Variants in NDUFA11 observed in about 807,000 individuals in gnomAD.
NDUFA11 encodes NADH dehydrogenase [ubiquinone] 1 alpha subcomplex subunit 11.
In NDUFA11, 14 loss-of-function variants were observed where a neutral mutation model predicts 11.3. The ratio of observed to expected loss-of-function variants is 1.24; its 90% CI spans 0.82 to 1.94. The LOEUF (loss-of-function observed/expected upper bound fraction) is 1.94. NDUFA11 is among the 30% of genes most tolerant of loss of function. The pLI is 0.00. For synonymous variants in NDUFA11, 87 were observed against 85.6 expected, an observed-to-expected ratio of 1.02 and a Z score of -0.09; for missense variants, 204 against 200.3, an observed-to-expected ratio of 1.02 and a Z score of -0.11.
Position 5,896,326 on chromosome 19 carries a change from G to T in NDUFA11, c.313+127C>A. On this transcript the variant is annotated intron_variant, in intron 3 of 3. Coordinates refer to ENST00000308961, the MANE Select transcript of NDUFA11 (RefSeq NM_175614.5). The surrounding 1 kb of genome is among the most constrained non-coding windows in gnomAD (Gnocchi z 5.8). ...AGCAGCTGTCGCTATGACTGAAATG[G>T]CTGGTGTTCAAGAAGGCTGCTTTAC... The T allele has an allele frequency of 9.0e-7, 1 of 1,117,304 alleles. No homozygotes were observed. Among genetic ancestry groups the T allele is most frequent in the Non-Finnish European group, 1.3e-6 (1 of 791,892 alleles). The allele number at this position is 1,117,304 out of a possible 1,614,324, so 69.2% of individuals were successfully genotyped here.
intron 3 of NDUFA11, chr19:5,895,165 C>G (rs1455173219): frequency 9.8e-6 from 4 of 406,660 alleles, no homozygotes; most frequent in Non-Finnish European, 9.1e-6. Context: ...AGGCTGGGCA[C>G]CGGGCCATGG....
intron 1 of NDUFA11, among the ~76,000 whole-genome samples, chr19:5,900,835 TGGGA>T (rs2057640189): frequency 7.0e-6 from 1 of 143,690 alleles, no homozygotes; most frequent in Non-Finnish European, 1.5e-5. Flanking sequence ...CAAGAATTGC[TGGGA>T]GGCAGAGGTT....
intron 1 of NDUFA11, among the ~76,000 whole-genome samples, chr19:5,900,981 C>T (rs1242274662): frequency 3.3e-5 from 5 of 151,840 alleles, no homozygotes; most frequent in African/African-American, 4.8e-5. Flanking sequence ...TCAAAGACCC[C>T]GGGGCACCCT....
At chr19:5,894,378 G>A (rs114380154), downstream of NDUFA11, among the ~76,000 whole-genome samples, 963 of 152,208 alleles carry the variant, frequency 6.3e-3, 13 homozygotes, top group African/African-American at 0.022. Context: ...GGCTGTGGGC[G>A]GCAGGGCCCA....
chr19:5,901,394 G>A (rs997526239), intron 1 of NDUFA11: 21 of 1,286,990 alleles, frequency 1.6e-5, no homozygotes, highest in African/African-American at 3.0e-5. Flanking sequence ...ACCTGGACTT[G>A]CAGCCCAGCT....
Position 5,901,465 on chromosome 19 carries a change from T to A in NDUFA11, c.97+2147A>T, listed in dbSNP as rs531272244. 1.3e-4 allele frequency: 165 copies of A among 1,285,858 alleles called. No individual in the cohort carries two copies. The African/African-American group carries it at 1.7e-3, about 13-fold the overall frequency. 79.7% of individuals were successfully genotyped at this position (1,285,858 alleles called of 1,614,324 possible). On this transcript the variant is annotated intron_variant, in intron 1 of 3. Transcript: ENST00000308961. ...ACCTTCAGTCCCTACCTGTAAGAAA[T>A]GGAGACACAATAACGTCTGTCTTAC...
chr19:5,903,747 C>T lies in NDUFA11; in HGVS notation c.-39G>A, dbSNP rs2057661218. 2 of 1,546,940 alleles carry T rather than the reference C, an allele frequency of 1.3e-6. No individual in the cohort carries two copies. Among genetic ancestry groups the T allele is most frequent in the Admixed American group, 2.0e-5 (1 of 50,982 alleles). ...GATCCCGCACCACGGACCCCGCCAG[C>T]TCGGGAAGCGCAAGGGCAGCCGCGG... On this transcript the variant is annotated 5_prime_UTR_variant, in exon 1 of 4. Coordinates refer to ENST00000308961, the MANE Select transcript of NDUFA11 (RefSeq NM_175614.5).
chr19:5,896,787 G>A lies in NDUFA11; in HGVS notation c.190+118C>T. 8.5e-7 allele frequency: 1 copy of A among 1,179,996 alleles called. No homozygotes were observed. Among genetic ancestry groups the A allele is most frequent in the East Asian group, 2.3e-5 (1 of 42,914 alleles). The allele number at this position is 1,179,996 out of a possible 1,614,324, so 73.1% of individuals were successfully genotyped here. A position where few individuals can be genotyped will look rare whatever the true frequency, so the allele number is the denominator to read the frequency against. On this transcript the variant is annotated intron_variant, in intron 2 of 3. Transcript: ENST00000308961. This position sits in a 1 kb window ranked among gnomAD's most constrained non-coding sequence, Gnocchi z 5.8. ...AAGGAACACCCCACTTTCTCCGGAT[G>A]GCCAGCACTGTGGACACGGGCTGGG...
chr19:5,894,875 T>C (rs765310919), intron 3 of NDUFA11, 21 bp from the exon 4 acceptor site: 5 of 1,580,854 alleles, frequency 3.2e-6, no homozygotes, highest in Non-Finnish European at 4.3e-6. Flanking sequence ...GGGGAGGTGA[T>C]GTCAGGCCCG....
chr19:5,901,387 T>A lies in NDUFA11; in HGVS notation c.97+2225A>T, dbSNP rs559412208. On this transcript the variant is annotated intron_variant, in intron 1 of 3. Transcript: ENST00000308961. ...ACCCCTAGGAGCAGGTCAGCCGACC[T>A]GGACTTGCAGCCCAGCTTCAAATGA... The A allele has an allele frequency of 3.9e-6, 5 of 1,287,090 alleles. No homozygotes were observed. In the African/African-American group the frequency reaches 7.6e-5, roughly 20 times the overall value. The allele number at this position is 1,287,090 out of a possible 1,614,324, so 79.7% of individuals were successfully genotyped here.
Position 5,896,073 on chromosome 19 carries a change from G to A in NDUFA11, c.313+380C>T. 4.6e-6 allele frequency: 2 copies of A among 438,156 alleles called. No homozygotes were observed. The highest frequency in any genetic ancestry group is 8.1e-6 in the Non-Finnish European group (2 of 246,158). The allele number at this position is 438,156 out of a possible 1,614,324, so 27.1% of individuals were successfully genotyped here. On this transcript the variant is annotated intron_variant, in intron 3 of 3. Coordinates refer to ENST00000308961, the MANE Select transcript of NDUFA11 (RefSeq NM_175614.5). This position sits in a 1 kb window ranked among gnomAD's most constrained non-coding sequence, Gnocchi z 5.8. ...AGGCACACAGAAGGAAGGCGGCACA[G>A]AGCGAGGGCGGCGGGGATGCTGGCT...
chr19:5,893,520 C>T (rs1221269382), downstream of NDUFA11, among the ~76,000 whole-genome samples: 1 of 152,062 alleles, frequency 6.6e-6, no homozygotes, highest in East Asian at 1.9e-4. The surrounding 1 kb of genome is among the most constrained non-coding windows in gnomAD (Gnocchi z 4.1). Flanking sequence ...AGGCTGGTTC[C>T]AAGCTCCTGG....
intron 1 of NDUFA11, among the ~76,000 whole-genome samples, chr19:5,898,602 A>G (rs4807821): frequency 0.69 from 105,399 of 152,052 alleles, 36,751 homozygotes; most frequent in Admixed American, 0.8. Flanking sequence ...GACCAGGCGC[A>G]GTGGCTCACG....
chr19:5,894,617 C>T, downstream of NDUFA11: 3 of 1,535,052 alleles, frequency 2.0e-6, no homozygotes, highest in Non-Finnish European at 2.6e-6. Context: ...TCACTCCCTC[C>T]CAGATCCGCC....
At chr19:5,895,766 A>T (rs1488051305) in intron 3 of NDUFA11, 1 of 153,798 alleles carries the variant, frequency 6.5e-6, no homozygotes, top group East Asian at 1.9e-4. Flanking sequence ...CATGCTCCAG[A>T]CGGGCTCCCC....
At position 5,896,900 on chromosome 19, in the gene NDUFA11, C is replaced by T. The variant is rs756099936; in HGVS notation, c.190+5G>A. ...GCCCAGCCATGCCCAGCCCAGCGTG[C>T]TCACCTGCAGTGAACGTGTATTGTC... On this transcript the variant is annotated splice_donor_5th_base_variant and intron_variant, in intron 2 of 3. Coordinates refer to ENST00000308961, the MANE Select transcript of NDUFA11 (RefSeq NM_175614.5). The surrounding 1 kb of genome is among the most constrained non-coding windows in gnomAD (Gnocchi z 5.8). 2 of 1,611,916 alleles carry T rather than the reference C, an allele frequency of 1.2e-6. No homozygotes were observed. The highest frequency in any genetic ancestry group is 1.7e-6 in the Non-Finnish European group (2 of 1,178,234).
Position 5,901,387 on chromosome 19 carries a change from T to G in NDUFA11, c.97+2225A>C, listed in dbSNP as rs559412208. On this transcript the variant is annotated intron_variant, in intron 1 of 3. Transcript: ENST00000308961. ...ACCCCTAGGAGCAGGTCAGCCGACCTGGACTTGCAGCCCAGCTTCAAATGA... is the reference window on the plus strand; with the variant it reads ...ACCCCTAGGAGCAGGTCAGCCGACCGGGACTTGCAGCCCAGCTTCAAATGA... 9 of 1,287,208 alleles carry G rather than the reference T, an allele frequency of 7.0e-6. No individual in the cohort carries two copies. The East Asian group carries it at 5.0e-4, about 71-fold the overall frequency. The allele number at this position is 1,287,208 out of a possible 1,614,324, so 79.7% of individuals were successfully genotyped here. A position where few individuals can be genotyped will look rare whatever the true frequency, so the allele number is the denominator to read the frequency against.
At chr19:5,899,450 TC>T (rs1197211369) in intron 1 of NDUFA11, among the ~76,000 whole-genome samples, 2 of 95,688 alleles carry the variant, frequency 2.1e-5, no homozygotes, top group African/African-American at 4.1e-5. Context: ...GCGCCCGGAC[TC>T]TTTTTTTTTT....
In NDUFA11 at chr19:5,894,703, A is replaced by T; in HGVS notation, c.*39T>A. On this transcript the variant is annotated 3_prime_UTR_variant, in exon 4 of 4. Coordinates refer to ENST00000308961, the MANE Select transcript of NDUFA11 (RefSeq NM_175614.5). Reference sequence around the variant, plus strand: ...ACACAGACACAGAATTTATTTCTGGACGCATTCTGCAGGCTGGAGGTCCCG... The same window carrying T: ...ACACAGACACAGAATTTATTTCTGGTCGCATTCTGCAGGCTGGAGGTCCCG... 1 of 1,604,510 alleles carries T rather than the reference A, an allele frequency of 6.2e-7. No homozygotes were observed. Among genetic ancestry groups the T allele is most frequent in the Non-Finnish European group, 8.5e-7 (1 of 1,175,552 alleles).
Sources: allele counts gnomAD v4.1 joint callset (sites outside exome capture counted in the v4.1 genomes callset), GRCh38; gene constraint gnomAD v4.1.1; non-coding constraint Gnocchi (gnomAD v3.1); transcripts MANE v1.5; gene names NCBI Gene and HGNC (gene_info 2026-07-23, HGNC 2026-07-21).